Variants in WEE2 observed in about 807,000 individuals in gnomAD.
WEE2 encodes the protein WEE2 oocyte meiosis inhibiting kinase.
A neutral mutation model predicts 60.1 loss-of-function variants in WEE2; 50 were observed. The observed-to-expected ratio is 0.83, with a 90% confidence interval of 0.66 to 1.05. The LOEUF is 1.05. Ranked by LOEUF, WEE2 falls within the 50% of genes least tolerant of loss-of-function variation. WEE2 has a pLI of 0.00. For synonymous variants in WEE2, 240 were observed against 241.0 expected (o/e 1.00, Z 0.04); for missense variants, 631 against 684.3 (o/e 0.92, Z 0.87).
intron 3 of WEE2, among the ~76,000 whole-genome samples, 184 bp downstream of exon 3, chr7:141,716,451 C>T (rs1044000695): frequency 6.7e-6 from 1 of 149,154 alleles, no homozygotes; most frequent in African/African-American, 2.5e-5. Context: ...CTTCTACCCT[C>T]TCCTTCTGCC....
At position 141,722,994 on chromosome 7, in the gene WEE2, G is replaced by A; in HGVS notation, c.881-140G>A. 9.8e-6 allele frequency: 10 copies of A among 1,024,722 alleles called. No homozygotes were observed. In the South Asian group the frequency reaches 1.6e-4, roughly 16 times the overall value. The allele number at this position is 1,024,722 out of a possible 1,614,324, so 63.5% of individuals were successfully genotyped here. A position where few individuals can be genotyped will look rare whatever the true frequency, so the allele number is the denominator to read the frequency against. On this transcript the variant is annotated intron_variant, in intron 5 of 11. Coordinates refer to ENST00000397541, the MANE Select transcript of WEE2 (RefSeq NM_001105558.1). ...AGAGTACTATGCCATTTTATACAAG[G>A]CTCTTGGGCATTTGGGGCTTTGATA...
intron 8 of WEE2, 50 bp downstream of exon 8, chr7:141,724,325 C>T: frequency 6.7e-7 from 1 of 1,495,028 alleles, no homozygotes; most frequent in Non-Finnish European, 9.2e-7. Flanking sequence ...GAACCTTTGA[C>T]TCTCAAATGG....
Position 141,725,013 on chromosome 7 carries a change from T to C in WEE2, c.1222-13T>C. On this transcript the variant is annotated splice_polypyrimidine_tract_variant and intron_variant, in intron 8 of 11. Coordinates refer to ENST00000397541, the MANE Select transcript of WEE2 (RefSeq NM_001105558.1). Reference sequence around the variant, plus strand: ...TGGCATAGTAACTGGCCTTCCTGTCTTCTGTTTTGAAGGATTACCGGCACC... The same window carrying C: ...TGGCATAGTAACTGGCCTTCCTGTCCTCTGTTTTGAAGGATTACCGGCACC... 1.9e-6 allele frequency: 3 copies of C among 1,610,010 alleles called. No individual in the cohort carries two copies. The highest frequency in any genetic ancestry group is 1.3e-5 in the African/African-American group (1 of 74,962).
chr7:141,715,191 TCTTA>T (rs1315197167), intron 2 of WEE2, among the ~76,000 whole-genome samples: 2 of 152,204 alleles, frequency 1.3e-5, no homozygotes, highest in East Asian at 3.8e-4. Flanking sequence ...ACTATCTCCT[TCTTA>T]CTTAAATAAA....
chr7:141,712,311 A>G (rs145667695), intron 1 of WEE2, among the ~76,000 whole-genome samples: 1 of 152,228 alleles, frequency 6.6e-6, no homozygotes, highest in East Asian at 1.9e-4. Context: ...TTTTTGTGAG[A>G]GGTTGCCTTC....
At chr7:141,713,704 A>G (rs1421080332) in intron 1 of WEE2, among the ~76,000 whole-genome samples, 3 of 152,214 alleles carry the variant, frequency 2.0e-5, no homozygotes, top group Non-Finnish European at 4.4e-5. Context: ...TGAAACACTG[A>G]TGAACTGCTG....
At chr7:141,716,504 C>T (rs1184272922) in intron 3 of WEE2, among the ~76,000 whole-genome samples, 2 of 150,772 alleles carry the variant, frequency 1.3e-5, no homozygotes, top group East Asian at 3.9e-4. Context: ...CTCCTCCCCT[C>T]CTTTCTCCTA....
chr7:141,726,696 A>G (rs1799024499), intron 9 of WEE2, among the ~76,000 whole-genome samples: 1 of 152,228 alleles, frequency 6.6e-6, no homozygotes, highest in South Asian at 2.1e-4. Context: ...CCCAAATTTC[A>G]GGTAAGGGAA....
chr7:141,719,778 G>GT (rs1161005822), intron 4 of WEE2, among the ~76,000 whole-genome samples: 3 of 151,900 alleles, frequency 2.0e-5, no homozygotes, highest in Non-Finnish European at 4.4e-5. Flanking sequence ...GTTTTGTTTT[G>GT]TTTTTTTGTG....
In WEE2 at chr7:141,708,854, A is replaced by C; in HGVS notation, c.96A>C (p.Glu32Asp). 1 of 1,614,204 alleles carries C rather than the reference A, an allele frequency of 6.2e-7. No individual in the cohort carries two copies. The highest frequency in any genetic ancestry group is 8.5e-7 in the Non-Finnish European group (1 of 1,180,030). Residue 32 changes from glutamate to aspartate, a missense_variant, in exon 1 of 12, where the codon GAA (glutamate) becomes GAC (aspartate). Coordinates refer to ENST00000397541, the MANE Select transcript of WEE2 (RefSeq NM_001105558.1). ...TTGAAGGGCAGAAGAAAGTAGAAGA[A>C]AGCAGGGAGGCTTCGAGCCAAACCC... ...TEIEGQKKVE[E>D]SREASSQTPE...
intron 1 of WEE2, among the ~76,000 whole-genome samples, chr7:141,713,457 T>C (rs1289516916): frequency 6.6e-6 from 1 of 152,194 alleles, no homozygotes; most frequent in Non-Finnish European, 1.5e-5. Flanking sequence ...TTTAGGCTGA[T>C]GTTCTCTTCT....
At chr7:141,717,660 G>A (rs999621052) in intron 3 of WEE2, among the ~76,000 whole-genome samples, 14 of 152,254 alleles carry the variant, frequency 9.2e-5, no homozygotes, top group Non-Finnish European at 1.2e-4. Flanking sequence ...ATACATATGC[G>A]TGTATATCTT....
In WEE2 at chr7:141,730,576, T is replaced by C; in HGVS notation, c.*256T>C. On this transcript the variant is annotated 3_prime_UTR_variant, in exon 12 of 12. Transcript: ENST00000397541. ...CTAATGTATACCCTTTCTGATATTGTATTTATTAAATAAATGGTTTCACCA... is the reference window on the plus strand; with the variant it reads ...CTAATGTATACCCTTTCTGATATTGCATTTATTAAATAAATGGTTTCACCA... 1 of 387,494 alleles carries C rather than the reference T, an allele frequency of 2.6e-6. No individual in the cohort carries two copies. Among genetic ancestry groups the C allele is most frequent in the Non-Finnish European group, 4.6e-6 (1 of 218,950 alleles). 24.0% of individuals were successfully genotyped at this position (387,494 alleles called of 1,614,324 possible). A position where few individuals can be genotyped will look rare whatever the true frequency, so the allele number is the denominator to read the frequency against.
Position 141,708,626 on chromosome 7 carries a change from T to C in WEE2, c.-133T>C. 1 of 719,670 alleles carries C rather than the reference T, an allele frequency of 1.4e-6. No individual in the cohort carries two copies. The highest frequency in any genetic ancestry group is 2.4e-6 in the Non-Finnish European group (1 of 424,028). The allele number at this position is 719,670 out of a possible 1,614,324, so 44.6% of individuals were successfully genotyped here. On this transcript the variant is annotated 5_prime_UTR_variant, in exon 1 of 12. Transcript: ENST00000397541. ...TAACACCGTGTTTTGTAGCTGTTAG[T>C]TGGTAGAGGGAAATTCAGGCTACCG...
chr7:141,725,929 C>G (rs1350231972), intron 9 of WEE2, among the ~76,000 whole-genome samples: 2 of 152,110 alleles, frequency 1.3e-5, no homozygotes, highest in African/African-American at 4.8e-5. Context: ...TTAGTGATAA[C>G]AGTGATAGTA....
In WEE2 at chr7:141,708,594, A is replaced by G; in HGVS notation, c.-165A>G. On this transcript the variant is annotated 5_prime_UTR_variant, in exon 1 of 12. Transcript: ENST00000397541. ...CTTATAGATTGGTGGTACTTAAGGC[A>G]GAAAATTAACACCGTGTTTTGTAGC... The G allele has an allele frequency of 1.6e-6, 1 of 629,198 alleles. No homozygotes were observed. Among genetic ancestry groups the G allele is most frequent in the Admixed American group, 2.9e-5 (1 of 34,970 alleles). 39.0% of individuals were successfully genotyped at this position (629,198 alleles called of 1,614,324 possible). A position where few individuals can be genotyped will look rare whatever the true frequency, so the allele number is the denominator to read the frequency against.
chr7:141,725,544 GA>G, intron 9 of WEE2, among the ~76,000 whole-genome samples: 1 of 148,614 alleles, frequency 6.7e-6, no homozygotes, highest in Middle Eastern at 3.5e-3. Context: ...AGAATGTCTT[GA>G]ACCCAGGAGA....
chr7:141,724,296 G>C (rs1261188162), intron 8 of WEE2, 21 bp downstream of exon 8: 14 of 1,587,874 alleles, frequency 8.8e-6, no homozygotes, highest in African/African-American at 4.1e-5. Flanking sequence ...GGGAAATGGA[G>C]GGTATTTTAT....
intron 9 of WEE2, among the ~76,000 whole-genome samples, chr7:141,725,828 G>C (rs771013698): frequency 1.3e-5 from 2 of 152,164 alleles, no homozygotes; most frequent in Non-Finnish European, 2.9e-5. Context: ...GCTCAGAGCA[G>C]CTCCTTGACA....
Sources: allele counts gnomAD v4.1 joint callset (sites outside exome capture counted in the v4.1 genomes callset), GRCh38; gene constraint gnomAD v4.1.1; transcripts MANE v1.5; gene names NCBI Gene and HGNC (gene_info 2026-07-23, HGNC 2026-07-21).